Variants in ATP11B observed in about 807,000 individuals in gnomAD.
ATP11B encodes the protein ATPase phospholipid transporting 11B (putative).
Under a neutral mutation model 157.8 loss-of-function variants are expected in ATP11B, and 81 were observed. The observed-to-expected ratio is 0.51, with a 90% CI of 0.43 to 0.62. The LOEUF is 0.62. ATP11B is among the 20% of genes least tolerant of loss of function. The pLI, the probability that ATP11B is intolerant of heterozygous loss-of-function variation, is 0.00. For missense variants in ATP11B, 1,165 were observed against 1,402.2 expected (o/e 0.83, Z 2.70); for synonymous variants, 451 against 469.4 (o/e 0.96, Z 0.51).
chr3:182,830,156 A>G (rs1322765982), intron 4 of ATP11B, among the ~76,000 whole-genome samples: 1 of 152,108 alleles, frequency 6.6e-6, no homozygotes, highest in Non-Finnish European at 1.5e-5. Context: ...ATTTGTGAGT[A>G]AAAACTATGT....
At chr3:182,879,348 A>C (rs944755482) in intron 19 of ATP11B, 148 bp from the exon 20 acceptor site, 48 of 608,024 alleles carry the variant, frequency 7.9e-5, no homozygotes, top group Non-Finnish European at 1.1e-4. Flanking sequence ...AGGTAGTAAA[A>C]CAGTTTGTTT....
intron 17 of ATP11B, among the ~76,000 whole-genome samples, chr3:182,869,780 T>C (rs1721513786): frequency 1.3e-5 from 2 of 152,300 alleles, no homozygotes; most frequent in Middle Eastern, 3.4e-3. Flanking sequence ...GCTGAAAACA[T>C]GTTCACAAAA....
chr3:182,849,266 C>G (rs904583359), intron 10 of ATP11B, among the ~76,000 whole-genome samples: 2 of 152,174 alleles, frequency 1.3e-5, no homozygotes, highest in Non-Finnish European at 2.9e-5. Context: ...GCATTGGAGA[C>G]ACAGTTTGTT....
rs1215371031 is a variant in ATP11B at position 182,869,162 on chromosome 3, T to G, written c.1762+11T>G. On this transcript the variant is annotated intron_variant, in intron 16 of 29. Coordinates refer to ENST00000323116, the MANE Select transcript of ATP11B (RefSeq NM_014616.3). The stretch of plus-strand genomic sequence containing the variant: ...TTCAGGCACCTTCAGGTAACCAATC[T>G]AAACTTTCATGAATTTTTATTTATG... The G allele has an allele frequency of 6.2e-7, 1 of 1,605,422 alleles. No individual in the cohort carries two copies. The highest frequency in any genetic ancestry group is 1.1e-5 in the South Asian group (1 of 89,216).
Position 182,897,308 on chromosome 3 carries a change from T to G in ATP11B, c.3054T>G (p.Ala1018=). The G allele has an allele frequency of 6.4e-7, 1 of 1,564,762 alleles. No individual in the cohort carries two copies. Among genetic ancestry groups the G allele is most frequent in the East Asian group, 2.3e-5 (1 of 42,714 alleles). Residue 1018 remains alanine, a synonymous_variant, in exon 27 of 30, where the codon GCT becomes GCG. Transcript: ENST00000323116. ...ATATAAAAACTTTTTTTTAGATGGC[T>G]CTGGAAACTCATTTTTGGACTTGGA... ...VMVITVTVKM[A]LETHFWTWIN... is the part of the protein sequence containing the mutation.
At chr3:182,913,800 T>C in intron 28 of ATP11B, 61 bp from the exon 29 acceptor site, 1 of 1,612,968 alleles carries the variant, frequency 6.2e-7, no homozygotes, top group Non-Finnish European at 8.5e-7. Flanking sequence ...TGTAATGTTC[T>C]AATGCTTTTC....
intron 1 of ATP11B, among the ~76,000 whole-genome samples, chr3:182,817,076 A>G (rs566363421): frequency 3.3e-5 from 5 of 152,290 alleles, no homozygotes; most frequent in Admixed American, 6.5e-5. Context: ...CATTGACTAT[A>G]ATATGATTGA....
chr3:182,859,368 G>A lies in ATP11B; in HGVS notation c.1200+9G>A. The A allele has an allele frequency of 6.4e-7, 1 of 1,551,482 alleles. No homozygotes were observed. Among genetic ancestry groups the A allele is most frequent in the Non-Finnish European group, 8.7e-7 (1 of 1,147,970 alleles). On this transcript the variant is annotated intron_variant, in intron 12 of 29. Transcript: ENST00000323116. Reference sequence around the variant, plus strand: ...ATGAAGAGCTTGGACAGGTGAAAATGATCCTAATATTTTGTTTCTCTAATT... The same window carrying A: ...ATGAAGAGCTTGGACAGGTGAAAATAATCCTAATATTTTGTTTCTCTAATT...
intron 29 of ATP11B, chr3:182,915,428 C>T (rs1577126503): frequency 1.0e-6 from 1 of 985,302 alleles, no homozygotes; most frequent in African/African-American, 1.7e-5. Context: ...GTGGCTCTGT[C>T]ATGTACCTAG....
chr3:182,837,665 A>G (rs769645916), intron 7 of ATP11B, among the ~76,000 whole-genome samples: 2 of 152,100 alleles, frequency 1.3e-5, no homozygotes, highest in African/African-American at 4.8e-5. Flanking sequence ...TTCTATAAAT[A>G]TATAACAGCT....
At position 182,793,529 on chromosome 3, in the gene ATP11B, C is replaced by G; in HGVS notation, c.-231C>G. On this transcript the variant is annotated 5_prime_UTR_variant, in exon 1 of 30. Transcript: ENST00000323116. ...AATAATGAAGGTGGCTGCGGCGCGGCGGCAGGCTCAGCTGCGCCGGGCGGG... is the reference window on the plus strand; with the variant it reads ...AATAATGAAGGTGGCTGCGGCGCGGGGGCAGGCTCAGCTGCGCCGGGCGGG... 1 of 351,906 alleles carries G rather than the reference C, an allele frequency of 2.8e-6. No individual in the cohort carries two copies. The highest frequency in any genetic ancestry group is 1.3e-4 in the South Asian group (1 of 7,466). The allele number at this position is 351,906 out of a possible 1,614,324, so 21.8% of individuals were successfully genotyped here.
At position 182,807,041 on chromosome 3, in the gene ATP11B, T is replaced by A. The variant is rs1353481144; in HGVS notation, c.28-13219T>A. Among the ~76,000 whole-genome samples, 4 of 150,222 alleles carry A rather than the reference T, an allele frequency of 2.7e-5. No individual in the cohort carries two copies. The South Asian group carries it at 6.3e-4, about 24-fold the overall frequency. On this transcript the variant is annotated intron_variant, in intron 1 of 29. Transcript: ENST00000323116. ...TGTTAAGCTTGGCTAAGTATTAATT[T>A]AAAAAAAAAAAAGACTATCTGTCTT...
In ATP11B at chr3:182,884,733, T is replaced by C. The variant is rs1189156547; in HGVS notation, c.2510-20T>C. 2.5e-6 allele frequency: 4 copies of C among 1,582,086 alleles called. No homozygotes were observed. The highest frequency in any genetic ancestry group is 3.4e-6 in the Non-Finnish European group (4 of 1,171,508). On this transcript the variant is annotated intron_variant, in intron 21 of 29. Transcript: ENST00000323116. Reference sequence around the variant, plus strand: ...AATTACAGTTATCAGTGAACATGTCTTTTGTCCCTTTTATTATAGGAATCA... The same window carrying C: ...AATTACAGTTATCAGTGAACATGTCCTTTGTCCCTTTTATTATAGGAATCA...
chr3:182,817,177 C>T (rs1012649220), intron 1 of ATP11B, among the ~76,000 whole-genome samples: 17 of 151,954 alleles, frequency 1.1e-4, no homozygotes, highest in African/African-American at 3.4e-4. Context: ...TCATCATTCT[C>T]CTTTTAAATT....
chr3:182,893,634 A>G (rs1408686481), intron 25 of ATP11B, among the ~76,000 whole-genome samples: 2 of 152,174 alleles, frequency 1.3e-5, no homozygotes, highest in Non-Finnish European at 2.9e-5. Context: ...GCAATTGCAA[A>G]TTGTGCTGCT....
chr3:182,915,673 A>G, intron 29 of ATP11B: 12 of 973,978 alleles, frequency 1.2e-5, no homozygotes, highest in Non-Finnish European at 1.5e-5. Flanking sequence ...TGCTATATAC[A>G]TATATCCATT....
chr3:182,898,970 A>G (rs1255068097), intron 28 of ATP11B, among the ~76,000 whole-genome samples, 198 bp downstream of exon 28: 2 of 151,946 alleles, frequency 1.3e-5, no homozygotes, highest in African/African-American at 4.8e-5. Flanking sequence ...ATGACTACTG[A>G]TAAGTTATTT....
At chr3:182,813,549 T>C (rs544281597) in intron 1 of ATP11B, among the ~76,000 whole-genome samples, 1 of 152,226 alleles carries the variant, frequency 6.6e-6, no homozygotes, top group African/African-American at 2.4e-5. Context: ...CTGTAATAAA[T>C]AGCCTTGATA....
intron 2 of ATP11B, 23 bp from the exon 3 acceptor site, chr3:182,828,097 T>C: frequency 1.8e-6 from 2 of 1,120,976 alleles, no homozygotes; most frequent in South Asian, 3.5e-5. Context: ...TAAATATTAA[T>C]TTATTGATCT....
Sources: allele counts gnomAD v4.1 joint callset (sites outside exome capture counted in the v4.1 genomes callset), GRCh38; gene constraint gnomAD v4.1.1; transcripts MANE v1.5; gene names NCBI Gene and HGNC (gene_info 2026-07-23, HGNC 2026-07-21).